TLR7: variants seen among roughly 807,000 people sequenced by gnomAD.
The protein encoded by TLR7 is toll-like receptor 7.
TLR7 carries 12 observed loss-of-function variants against 38.3 expected under a neutral mutation model. That is an observed-to-expected ratio of 0.31 (90% CI 0.20 to 0.51). The LOEUF is 0.51. Among genes scored for constraint, TLR7 ranks in the 20% least tolerant of loss-of-function variants. TLR7 has a pLI of 0.98. For synonymous variants in TLR7, 285 were observed against 293.8 expected, an observed-to-expected ratio of 0.97 and a Z score of 0.31; for missense variants, 504 against 743.4, an observed-to-expected ratio of 0.68 and a Z score of 3.74.
intron 2 of TLR7, among the ~76,000 whole-genome samples, chrX:12,876,184 C>T (rs5743748): frequency 0.039 from 4,299 of 111,547 alleles, 215 homozygotes; most frequent in African/African-American, 0.13. Context: ...TCTCAAACTC[C>T]TCACCTCAGG....
In TLR7 at chrX:12,886,635, G is replaced by A. The variant is rs756706437; in HGVS notation, c.1127G>A (p.Arg376Gln). 7.4e-6 allele frequency: 9 copies of A among 1,211,498 alleles called. No individual in the cohort carries two copies. Among genetic ancestry groups the A allele is most frequent in the African/African-American group, 1.7e-5 (1 of 57,822 alleles). Residue 376 changes from arginine (R) to glutamine (Q), a missense_variant, in exon 3 of 3, where the codon CGG (arginine) becomes CAG (glutamine). Physicochemically the swap from Arg to Gln is conservative, Grantham distance 43. Transcript: ENST00000380659. ...TCACTGAAAAGCCTGAAAATTCTGC[G>A]GATCAGAGGATATGTCTTTAAAGAG... ...FSSLKSLKIL[R>Q]IRGYVFKELK...
At position 12,879,362 on chromosome X, in the gene TLR7, T is replaced by A. The variant is rs142796842; in HGVS notation, c.4-6150T>A. On this transcript the variant is annotated intron_variant, in intron 2 of 2. Coordinates refer to ENST00000380659, the MANE Select transcript of TLR7 (RefSeq NM_016562.4). ...CATGGACAGTAACTTATTTCCAAAT[T>A]CTATACTGGTTAAAATTAGGTTTGC... 1.5e-4 allele frequency among the ~76,000 whole-genome samples: 17 copies of A among 112,185 alleles called. No homozygotes were observed. The East Asian group carries it at 3.6e-3, about 24-fold the overall frequency.
Position 12,886,381 on chromosome X carries a change from A to T in TLR7, c.873A>T (p.Glu291Asp), listed in dbSNP as rs1304790317. The change falls in exon 3 of 3, where the codon GAA (glutamate) becomes GAT (aspartate). Residue 291 changes from glutamate (E) to aspartate (D), a missense_variant. Glu to Asp is a conservative substitution (Grantham distance 45). Coordinates refer to ENST00000380659, the MANE Select transcript of TLR7 (RefSeq NM_016562.4). ...TAAATGCTTTTGATGCGCTGACAGA[A>T]TTAAAAGTTTTACGTCTACACAGTA... ...IPVNAFDALT[E>D]LKVLRLHSNS... The T allele has an allele frequency of 2.5e-6, 3 of 1,210,481 alleles. No homozygotes were observed. The highest frequency in any genetic ancestry group is 1.7e-5 in the African/African-American group (1 of 57,312).
chrX:12,881,876 T>G (rs2042893885), intron 2 of TLR7, among the ~76,000 whole-genome samples: 1 of 112,186 alleles, frequency 8.9e-6, no homozygotes, highest in Non-Finnish European at 1.9e-5. Flanking sequence ...TGGCATGTGG[T>G]AAGTGCTACG....
At chrX:12,867,609 A>T in intron 2 of TLR7, 28 bp downstream of exon 2, 2 of 1,194,424 alleles carry the variant, frequency 1.7e-6, no homozygotes, top group Non-Finnish European at 2.3e-6. Flanking sequence ...AACCTTAAAA[A>T]GTGTTATCTG....
Position 12,887,724 on chromosome X carries a change from CGAA to C in TLR7, c.2218_2220del (p.Lys740del). 1 of 1,210,566 alleles carries C rather than the reference CGAA, an allele frequency of 8.3e-7. No homozygotes were observed. The highest frequency in any genetic ancestry group is 1.1e-6 in the Non-Finnish European group (1 of 894,579). On this transcript the variant is annotated inframe_deletion, in exon 3 of 3. Coordinates refer to ENST00000380659, the MANE Select transcript of TLR7 (RefSeq NM_016562.4). ...AAGAATAATCAAATCAGGAGTCTGA[CGAA>C]GTATTTTCTACAAGATGCCTTCCAG...
chrX:12,873,959 G>A (rs2042862309), intron 2 of TLR7, among the ~76,000 whole-genome samples: 1 of 112,360 alleles, frequency 8.9e-6, no homozygotes, highest in Non-Finnish European at 1.9e-5. Flanking sequence ...TCAATGGATT[G>A]TCATGTAATT....
intron 2 of TLR7, among the ~76,000 whole-genome samples, chrX:12,878,216 A>G (rs2042879876): frequency 8.9e-6 from 1 of 111,978 alleles, no homozygotes; most frequent in Admixed American, 9.5e-5. Context: ...ATAGACTTGG[A>G]ATGAATTTGC....
In TLR7 at chrX:12,887,895, G is replaced by T; in HGVS notation, c.2387G>T (p.Trp796Leu). 1 of 1,211,824 alleles carries T rather than the reference G, an allele frequency of 8.3e-7. No individual in the cohort carries two copies. The highest frequency in any genetic ancestry group is 1.1e-6 in the Non-Finnish European group (1 of 895,497). Residue 796 changes from tryptophan (W) to leucine (L), a missense_variant, in exon 3 of 3, where the codon TGG (tryptophan) becomes TTG (leucine). Physicochemically the swap from Trp to Leu is moderately conservative, Grantham distance 61. Coordinates refer to ENST00000380659, the MANE Select transcript of TLR7 (RefSeq NM_016562.4). The part of the protein sequence containing the change: ...LCTCDAVWFV[W>L]WVNHTEVTIP... ...ACCTGTGATGCTGTGTGGTTTGTCT[G>T]GTGGGTTAACCATACGGAGGTGACT...
intron 2 of TLR7, among the ~76,000 whole-genome samples, chrX:12,876,106 A>G (rs2042869563): frequency 9.1e-6 from 1 of 110,209 alleles, no homozygotes; most frequent in Non-Finnish European, 1.9e-5. Context: ...TTACAGGTGC[A>G]TGCCACCATG....
intron 2 of TLR7, among the ~76,000 whole-genome samples, chrX:12,880,893 C>G (rs2042888736): frequency 9.0e-6 from 1 of 111,118 alleles, no homozygotes; most frequent in Admixed American, 9.6e-5. Flanking sequence ...GCATATACCT[C>G]TCTGTGCCTC....
At position 12,889,888 on chromosome X, in the gene TLR7, G is replaced by C. The variant is rs2042925311; in HGVS notation, c.*1230G>C. 1 of 112,752 alleles carries C rather than the reference G, an allele frequency of 8.9e-6. No individual in the cohort carries two copies. The highest frequency in any genetic ancestry group is 3.6e-4 in the South Asian group (1 of 2,777). The allele number at this position is 112,752 out of a possible 1,213,427, so 9.3% of individuals were successfully genotyped here. A position where few individuals can be genotyped will look rare whatever the true frequency, so the allele number is the denominator to read the frequency against. On this transcript the variant is annotated 3_prime_UTR_variant, in exon 3 of 3. Coordinates refer to ENST00000380659, the MANE Select transcript of TLR7 (RefSeq NM_016562.4). ...TGTGTATTTATTTATAGTTTTATCA[G>C]AGATGACAATTATTTGAATGCCAAT...
At chrX:12,881,767 G>A (rs2042893432) in intron 2 of TLR7, among the ~76,000 whole-genome samples, 1 of 110,854 alleles carries the variant, frequency 9.0e-6, no homozygotes, top group African/African-American at 3.3e-5. Flanking sequence ...CAAAACACAT[G>A]TAGCACCAAA....
intron 2 of TLR7, among the ~76,000 whole-genome samples, chrX:12,869,310 T>A (rs1422431864): frequency 2.7e-5 from 3 of 111,783 alleles, no homozygotes; most frequent in African/African-American, 9.8e-5. Flanking sequence ...GATCCTTTGA[T>A]CTAGAGATTA....
chrX:12,869,830 CAAAAAAAAA>C lies in TLR7; in HGVS notation c.3+2263_3+2271del, dbSNP rs34022797. On this transcript the variant is annotated intron_variant, in intron 2 of 2. Coordinates refer to ENST00000380659, the MANE Select transcript of TLR7 (RefSeq NM_016562.4). ...TACCAAGATGGTCAGTGCAGCCAGG[CAAAAAAAAA>C]AAAAAAAAAAAAATCATGTCCCATG... 7.8e-5 allele frequency among the ~76,000 whole-genome samples: 4 copies of C among 51,454 alleles called. No individual in the cohort carries two copies. In the East Asian group the frequency reaches 2.9e-3, roughly 37 times the overall value. 44.7% of individuals were successfully genotyped at this position (51,454 alleles called of 115,157 possible). A position where few individuals can be genotyped will look rare whatever the true frequency, so the allele number is the denominator to read the frequency against.
At chrX:12,875,550 A>G (rs1234621595) in intron 2 of TLR7, among the ~76,000 whole-genome samples, 19 of 112,139 alleles carry the variant, frequency 1.7e-4, no homozygotes, top group African/African-American at 5.5e-4. Context: ...TGTAGCTCCC[A>G]TAATCCCCAC....
intron 2 of TLR7, among the ~76,000 whole-genome samples, chrX:12,874,495 G>T (rs1020803624): frequency 9.0e-6 from 1 of 111,311 alleles, no homozygotes; most frequent in African/African-American, 3.3e-5. Flanking sequence ...GTTCCAGGGG[G>T]TTATGAAGAC....
intron 2 of TLR7, among the ~76,000 whole-genome samples, chrX:12,873,772 C>A (rs2042861521): frequency 8.9e-6 from 1 of 112,008 alleles, no homozygotes; most frequent in East Asian, 2.8e-4. Flanking sequence ...ATCATAAATG[C>A]ATTATATGTT....
rs1289275438 is a variant in TLR7 at position 12,867,504 on chromosome X, A to AG, written c.-74dup. 1 of 1,020,758 alleles carries AG rather than the reference A, an allele frequency of 9.8e-7. No individual in the cohort carries two copies. The highest frequency in any genetic ancestry group is 3.1e-5 in the East Asian group (1 of 32,767). The allele number at this position is 1,020,758 out of a possible 1,213,427, so 84.1% of individuals were successfully genotyped here. The stretch of plus-strand genomic sequence containing the variant: ...AGTTGATGCTATTGGGCCCATCTCA[A>AG]GCTGATCTTGGCACCTCTCATGCTC... On this transcript the variant is annotated 5_prime_UTR_variant, in exon 2 of 3. An upstream open reading frame in the 5' UTR gains an earlier in-frame stop. Coordinates refer to ENST00000380659, the MANE Select transcript of TLR7 (RefSeq NM_016562.4).
Sources: gnomAD v4.1 joint callset for allele counts (sites outside exome capture counted in the v4.1 genomes callset) on GRCh38, gnomAD v4.1.1 for gene constraint, MANE v1.5 for transcripts, NCBI Gene and HGNC (gene_info 2026-07-23, HGNC 2026-07-21) for gene names.